The following USP42 variants were observed in gnomAD, a reference collection of about 807,000 sequenced individuals.
USP42 encodes ubiquitin specific peptidase 42.
A neutral mutation model predicts 113.0 loss-of-function variants in USP42; 23 were observed. The ratio of observed to expected loss-of-function variants is 0.20; its 90% confidence interval spans 0.15 to 0.29. The LOEUF (loss-of-function observed/expected upper bound fraction) is 0.29. Among genes scored for constraint, USP42 ranks in the 10% least tolerant of loss-of-function variants. The pLI, the probability that USP42 is intolerant of heterozygous loss-of-function variation, is 1.00. For missense variants in USP42, 2,174 were observed against 1,779.8 expected (o/e 1.22, Z -3.99); for synonymous variants, 933 against 699.0 (o/e 1.33, Z -5.28).
At chr7:6,153,240 TCCAG>T (rs1782174946) in intron 14 of USP42, among the ~76,000 whole-genome samples, 1 of 150,074 alleles carries the variant, frequency 6.7e-6, no homozygotes, top group Admixed American at 6.7e-5. Context: ...ACCACTGCGC[TCCAG>T]CCTGGGCAAC....
Position 6,154,619 on chromosome 7 carries a change from C to G in USP42, c.3065C>G (p.Ser1022Cys), listed in dbSNP as rs771467580. Residue 1022 changes from serine (S) to cysteine (C), a missense_variant, in exon 15 of 18, where the codon TCC becomes TGC. Coordinates refer to ENST00000306177, the MANE Select transcript of USP42 (RefSeq NM_032172.3). ...CTGGGCAGGTGCAGTCACCACCACT[C>G]CCGACACCGGAGCGGGGTGGAGCTG... Reference protein sequence around the residue: ...RSLGRCSHHHSRHRSGVELDW... With the variant: ...RSLGRCSHHHCRHRSGVELDW... 5 of 1,596,924 alleles carry G rather than the reference C, an allele frequency of 3.1e-6. No individual in the cohort carries two copies. The Middle Eastern group carries it at 6.6e-4, about 212-fold the overall frequency.
At position 6,120,836 on chromosome 7, in the gene USP42, G is replaced by A. The variant is rs541903352; in HGVS notation, c.442+5313G>A. Among the ~76,000 whole-genome samples the A allele has an allele frequency of 2.1e-3, 313 of 152,186 alleles. 5 individuals carry two copies. The highest frequency in any genetic ancestry group is 9.0e-4 in the Non-Finnish European group (61 of 68,000). On this transcript the variant is annotated intron_variant, in intron 3 of 17. Coordinates refer to ENST00000306177, the MANE Select transcript of USP42 (RefSeq NM_032172.3). Reference sequence around the variant, plus strand: ...TGGCCTCAAATGATCCACCTGCCTCGGCCTCCCAAAGTGCTGGGATTACAG... The same window carrying A: ...TGGCCTCAAATGATCCACCTGCCTCAGCCTCCCAAAGTGCTGGGATTACAG...
At position 6,140,499 on chromosome 7, in the gene USP42, A is replaced by T. The variant is rs938659285; in HGVS notation, c.724+304A>T. Among the ~76,000 whole-genome samples the T allele has an allele frequency of 2.0e-5, 3 of 152,170 alleles. No homozygotes were observed. In the East Asian group the frequency reaches 5.8e-4, roughly 29 times the overall value. ...CCTTCGACAGTTGGAGTAGTGTTCCATTTATTTTAGTCCCCTATCGATGGG... is the reference window on the plus strand; with the variant it reads ...CCTTCGACAGTTGGAGTAGTGTTCCTTTTATTTTAGTCCCCTATCGATGGG... On this transcript the variant is annotated intron_variant, in intron 6 of 17. Coordinates refer to ENST00000306177, the MANE Select transcript of USP42 (RefSeq NM_032172.3).
chr7:6,135,971 G>A lies in USP42; in HGVS notation c.553+20G>A. 1.0e-6 allele frequency: 1 copy of A among 996,462 alleles called. No individual in the cohort carries two copies. The highest frequency in any genetic ancestry group is 1.4e-6 in the Non-Finnish European group (1 of 697,266). The allele number at this position is 996,462 out of a possible 1,614,324, so 61.7% of individuals were successfully genotyped here. ...TGCGGCGTAAGTATTAACTATTGTA[G>A]TTTTATATTTGTATTTATTACCTAG... is the stretch of plus-strand genomic sequence containing the variant. On this transcript the variant is annotated intron_variant, in intron 4 of 17. Coordinates refer to ENST00000306177, the MANE Select transcript of USP42 (RefSeq NM_032172.3).
chr7:6,145,426 C>T lies in USP42; in HGVS notation c.991-90C>T, dbSNP rs915468605. 10 of 1,504,794 alleles carry T rather than the reference C, an allele frequency of 6.6e-6. No homozygotes were observed. The African/African-American group carries it at 6.9e-5, about 10-fold the overall frequency. 93.2% of individuals were successfully genotyped at this position (1,504,794 alleles called of 1,614,324 possible). On this transcript the variant is annotated intron_variant, in intron 9 of 17. Transcript: ENST00000306177. ...GGGCTCAGGTGTTCTGTGGGTCTCC[C>T]CTCCTAGGAAGCTCTAAGTACCCTC...
rs117079265 is a variant in USP42, at chr7:6,155,154, G to A, written c.3600G>A (p.Lys1200=). Residue 1200 remains lysine, a synonymous_variant, in exon 15 of 18, where the codon AAG becomes AAA. Transcript: ENST00000306177. ...PKAKKHKKSK[K]KKKSKDKHRD... is the part of the protein sequence containing the mutation. ...CAAAGAAGCACAAAAAATCAAAGAAGAAAAAGAAATCCAAAGACAAACACC... is the reference window on the plus strand; with the variant it reads ...CAAAGAAGCACAAAAAATCAAAGAAAAAAAAGAAATCCAAAGACAAACACC... 2.4e-4 allele frequency: 378 copies of A among 1,545,890 alleles called. No individual in the cohort carries two copies. The East Asian group carries it at 7.9e-3, about 32-fold the overall frequency.
At chr7:6,125,912 A>G (rs372638603) in intron 3 of USP42, among the ~76,000 whole-genome samples, 1 of 152,150 alleles carries the variant, frequency 6.6e-6, no homozygotes, top group African/African-American at 2.4e-5. Context: ...CACTTGTAAG[A>G]AATAATATAG....
the USP42 span, among the ~76,000 whole-genome samples, chr7:6,082,613 T>G: frequency 1.2e-5 from 1 of 84,282 alleles, no homozygotes; most frequent in Non-Finnish European, 2.9e-5. Context: ...GTTTTTTTTT[T>G]TTTTTTTTTT....
Position 6,135,830 on chromosome 7 carries a change from C to T in USP42, c.443-11C>T. 2 of 1,568,698 alleles carry T rather than the reference C, an allele frequency of 1.3e-6. No individual in the cohort carries two copies. The highest frequency in any genetic ancestry group is 2.3e-5 in the East Asian group (1 of 44,318). On this transcript the variant is annotated splice_polypyrimidine_tract_variant and intron_variant, in intron 3 of 17. Transcript: ENST00000306177. ...TTTTGCTAATTTGGAGGATTATCAT[C>T]TATCTTTCAGGTCATGCAGAAGGCT...
chr7:6,131,390 C>G (rs1780844710), intron 3 of USP42, among the ~76,000 whole-genome samples: 1 of 151,964 alleles, frequency 6.6e-6, no homozygotes, highest in African/African-American at 2.4e-5. Context: ...GGGAGATCAC[C>G]TGAGCCTTGG....
chr7:6,117,144 A>T lies in USP42; in HGVS notation c.442+1621A>T, dbSNP rs1202534428. The stretch of plus-strand genomic sequence containing the variant: ...TAGCATCAAGATTAAGATAATGAAC[A>T]TGTTCATCACCCTCAAAAGTTCCCC... On this transcript the variant is annotated intron_variant, in intron 3 of 17. Transcript: ENST00000306177. 2.0e-5 allele frequency among the ~76,000 whole-genome samples: 3 copies of T among 152,128 alleles called. No individual in the cohort carries two copies. In the East Asian group the frequency reaches 5.8e-4, roughly 29 times the overall value.
chr7:6,134,798 T>C, intron 3 of USP42, among the ~76,000 whole-genome samples: 1 of 152,190 alleles, frequency 6.6e-6, no homozygotes, highest in East Asian at 1.9e-4. Context: ...CTTTCTTTGT[T>C]TTTTTGAGAC....
rs776633264 is a variant in USP42, at chr7:6,154,839, C to G, written c.3285C>G (p.Asp1095Glu). Residue 1095 changes from aspartate to glutamate, a missense_variant, in exon 15 of 18, where the codon GAC (aspartate) becomes GAG (glutamate). Transcript: ENST00000306177. ...RAGLHERPHKDHNRGRRGCEP... is the reference protein window; with the variant it reads ...RAGLHERPHKEHNRGRRGCEP... ...GGCTGCACGAGCGGCCGCACAAGGA[C>G]CACAACCGGGGCCGTAGGGGCTGCG... 9 of 1,540,008 alleles carry G rather than the reference C, an allele frequency of 5.8e-6. No individual in the cohort carries two copies. In the African/African-American group the frequency reaches 1.2e-4, roughly 21 times the overall value.
Position 6,154,270 on chromosome 7 carries a change from A to G in USP42, c.2716A>G (p.Met906Val), listed in dbSNP as rs776394362. Residue 906 changes from methionine to valine, a missense_variant, in exon 15 of 18, where the codon ATG becomes GTG. Physicochemically the swap from Met to Val is conservative, Grantham distance 21. Transcript: ENST00000306177. ...AERPPAPVLD[M>V]APAGHPEGDA... Reference sequence around the variant, plus strand: ...GCGGCCGCCAGCTCCTGTGCTGGACATGGCCCCGGCCGGTCACCCGGAAGG... The same window carrying G: ...GCGGCCGCCAGCTCCTGTGCTGGACGTGGCCCCGGCCGGTCACCCGGAAGG... The G allele has an allele frequency of 1.2e-5, 19 of 1,600,042 alleles. No individual in the cohort carries two copies. The highest frequency in any genetic ancestry group is 6.7e-5 in the African/African-American group (5 of 74,642).
At chr7:6,114,679 T>TATATATATATA (rs57984216) in intron 2 of USP42, among the ~76,000 whole-genome samples, 16 of 10,872 alleles carry the variant, frequency 1.5e-3, no homozygotes, top group East Asian at 5.5e-3. Context: ...TATATATATA[T>TATATATATATA]TTTTTTTTTT....
At position 6,150,086 on chromosome 7, in the gene USP42, G is replaced by A. The variant is rs61753118; in HGVS notation, c.1890G>A (p.Thr630=). ...TGGGCAAGGAGAATGGGATTGGTAC[G>A]ATTGTGAGCTCCCACTCTCCCGGCC... ...KGLGKENGIG[T]IVSSHSPGQD... Residue 630 remains threonine, a synonymous_variant, in exon 13 of 18, where the codon ACG becomes ACA. Coordinates refer to ENST00000306177, the MANE Select transcript of USP42 (RefSeq NM_032172.3). The A allele has an allele frequency of 0.034, 55,117 of 1,609,704 alleles. 1,276 individuals are homozygous for A. The highest frequency in any genetic ancestry group is 0.086 in the South Asian group (7,749 of 90,492).
At chr7:6,096,538 C>T in the USP42 span, among the ~76,000 whole-genome samples, 2 of 151,250 alleles carry the variant, frequency 1.3e-5, no homozygotes, top group Admixed American at 6.6e-5. Context: ...TCAGGTTCAT[C>T]TGTACGTTGT....
rs1359492817 is a variant in USP42, at chr7:6,158,436, T to TC, written c.3944-1013dup. ...GGGCTGCCCTGAGGCCTTTTGCTTC[T>TC]CGGCTGAGTTGTGGGTTAGGTGGAG... On this transcript the variant is annotated intron_variant, in intron 16 of 17. Coordinates refer to ENST00000306177, the MANE Select transcript of USP42 (RefSeq NM_032172.3). This position sits in a 1 kb window ranked among gnomAD's most constrained non-coding sequence, Gnocchi z 4.2. Among the ~76,000 whole-genome samples, 1 of 152,158 alleles carries TC rather than the reference T, an allele frequency of 6.6e-6. No individual in the cohort carries two copies. The highest frequency in any genetic ancestry group is 1.5e-5 in the Non-Finnish European group (1 of 68,048).
chr7:6,114,676 A>AT (rs1424173261), intron 2 of USP42, among the ~76,000 whole-genome samples: 892 of 31,212 alleles, frequency 0.029, 78 homozygotes, highest in South Asian at 0.05. Flanking sequence ...ATATATATAT[A>AT]TATTTTTTTT....
Sources: gnomAD v4.1 joint callset for allele counts (sites outside exome capture counted in the v4.1 genomes callset) on GRCh38, gnomAD v4.1.1 for gene constraint, Gnocchi (gnomAD v3.1) non-coding constraint, MANE v1.5 for transcripts, NCBI Gene and HGNC (gene_info 2026-07-23, HGNC 2026-07-21) for gene names.